The following POMK variants were observed in gnomAD, a reference collection of about 807,000 sequenced individuals.
The protein encoded by POMK is protein O-mannose kinase.
A neutral mutation model predicts 23.0 loss-of-function variants in POMK; 19 were observed. The observed-to-expected ratio is 0.83, with a 90% CI of 0.58 to 1.21. POMK has a LOEUF of 1.21. Among genes scored for constraint, POMK ranks in the 50% most tolerant of loss-of-function variants. The pLI, the probability that POMK is intolerant of heterozygous loss-of-function variation, is 0.00. For missense variants in POMK, 410 were observed against 431.3 expected (o/e 0.95, Z 0.44); for synonymous variants, 173 against 171.6 (o/e 1.01, Z -0.06).
chr8:43,116,055 G>A (rs765962959), intron 4 of POMK, among the ~76,000 whole-genome samples: 4 of 152,186 alleles, frequency 2.6e-5, no homozygotes, highest in Non-Finnish European at 4.4e-5. Context: ...CTTCAACCCC[G>A]TTTAAAATTG....
At chr8:43,094,162 T>C (rs958748416) in intron 1 of POMK, among the ~76,000 whole-genome samples, 1 of 152,200 alleles carries the variant, frequency 6.6e-6, no homozygotes, top group Non-Finnish European at 1.5e-5. Flanking sequence ...GGCGCGGTCT[T>C]GGCTCCTGGG....
chr8:43,105,721 A>G (rs916308183), intron 4 of POMK, among the ~76,000 whole-genome samples: 2 of 152,028 alleles, frequency 1.3e-5, no homozygotes, highest in African/African-American at 2.4e-5. Flanking sequence ...CTGGAGTGCA[A>G]TGATGCAGTC....
intron 4 of POMK, among the ~76,000 whole-genome samples, chr8:43,114,064 A>G (rs1051051816): frequency 2.6e-5 from 4 of 152,232 alleles, no homozygotes; most frequent in African/African-American, 9.6e-5. Flanking sequence ...GTCAGGGGTC[A>G]GGGACCCACT....
chr8:43,113,676 G>T (rs1266541762), intron 4 of POMK, among the ~76,000 whole-genome samples: 1 of 152,204 alleles, frequency 6.6e-6, no homozygotes, highest in Non-Finnish European at 1.5e-5. Flanking sequence ...TTTGGAGGAG[G>T]AGAGACGCTC....
intron 4 of POMK, among the ~76,000 whole-genome samples, chr8:43,119,886 G>C (rs1172117817): frequency 6.6e-6 from 1 of 151,098 alleles, no homozygotes; most frequent in Non-Finnish European, 1.5e-5. Context: ...ATCCAGAAAA[G>C]ATCTTCATGG....
intron 4 of POMK, among the ~76,000 whole-genome samples, chr8:43,113,959 G>T (rs1034469587): frequency 6.6e-6 from 1 of 152,184 alleles, no homozygotes; most frequent in African/African-American, 2.4e-5. Context: ...CTGTCTGATC[G>T]TTCCTCTGGA....
intron 3 of POMK, 128 bp from the exon 4 acceptor site, chr8:43,103,400 C>CTT (rs967101595): frequency 1.7e-5 from 14 of 833,654 alleles, no homozygotes; most frequent in Middle Eastern, 3.7e-4. Context: ...TCGATACCTG[C>CTT]TTTAATCCCC....
At chr8:43,118,368 A>C (rs747969143) in intron 4 of POMK, among the ~76,000 whole-genome samples, 2 of 152,222 alleles carry the variant, frequency 1.3e-5, no homozygotes, top group Admixed American at 6.5e-5. Context: ...ACAAGTGTAC[A>C]TTAATAAATA....
chr8:43,113,000 A>G (rs1453226367), intron 4 of POMK, among the ~76,000 whole-genome samples: 1 of 152,260 alleles, frequency 6.6e-6, no homozygotes, highest in African/African-American at 2.4e-5. Flanking sequence ...AAGAAACTGC[A>G]TCAACTAACG....
At chr8:43,111,366 G>A (rs192633707) in intron 4 of POMK, among the ~76,000 whole-genome samples, 1 of 152,168 alleles carries the variant, frequency 6.6e-6, no homozygotes, top group Non-Finnish European at 1.5e-5. Flanking sequence ...CCGCAGCGAG[G>A]CTGGGGGAGG....
At chr8:43,110,768 G>C (rs1811636585) in intron 4 of POMK, among the ~76,000 whole-genome samples, 1 of 152,136 alleles carries the variant, frequency 6.6e-6, no homozygotes, top group African/African-American at 2.4e-5. Context: ...ACTAATATTA[G>C]CCGGGCGTTG....
At chr8:43,102,069 A>G (rs1811455428) in intron 2 of POMK, among the ~76,000 whole-genome samples, 1 of 152,200 alleles carries the variant, frequency 6.6e-6, no homozygotes, top group Admixed American at 6.5e-5. Context: ...GTTCCTACAC[A>G]GTTACTCTCT....
chr8:43,122,083 A>T (rs367860832), intron 4 of POMK, 24 bp from the exon 5 acceptor site: 31 of 1,607,628 alleles, frequency 1.9e-5, no homozygotes, highest in Non-Finnish European at 2.5e-5. Context: ...TTCAGGCCTG[A>T]TGCTCTCTAT....
At chr8:43,121,819 C>G (rs1461453748) in intron 4 of POMK, among the ~76,000 whole-genome samples, 1 of 152,234 alleles carries the variant, frequency 6.6e-6, no homozygotes, top group Admixed American at 6.5e-5. Flanking sequence ...ACCAGCTTCC[C>G]AAAGCCTTCC....
intron 4 of POMK, among the ~76,000 whole-genome samples, chr8:43,105,005 C>G (rs1200156996): frequency 2.0e-5 from 3 of 152,004 alleles, no homozygotes; most frequent in South Asian, 2.1e-4. Flanking sequence ...AATTTCTTTT[C>G]CTGTTTTTCA....
At chr8:43,093,934 C>G (rs1487670734) in intron 1 of POMK, among the ~76,000 whole-genome samples, 2 of 152,228 alleles carry the variant, frequency 1.3e-5, no homozygotes, top group Admixed American at 1.3e-4. Flanking sequence ...AGCACTTAGC[C>G]GGGCGCGGTG....
At chr8:43,098,571 G>A (rs142260224) in intron 2 of POMK, among the ~76,000 whole-genome samples, 1 of 152,158 alleles carries the variant, frequency 6.6e-6, no homozygotes, top group African/African-American at 2.4e-5. Flanking sequence ...TAATGCTTCC[G>A]TGAACATTCA....
intron 4 of POMK, among the ~76,000 whole-genome samples, chr8:43,111,402 G>A (rs965635708): frequency 2.6e-5 from 4 of 152,226 alleles, no homozygotes; most frequent in Admixed American, 1.3e-4. Context: ...TCAGGCTTGA[G>A]TAGGTAAACA....
At chr8:43,094,705 A>T (rs144411865) in intron 1 of POMK, among the ~76,000 whole-genome samples, 1 of 152,350 alleles carries the variant, frequency 6.6e-6, no homozygotes, top group African/African-American at 2.4e-5. Flanking sequence ...CCCTAGTTGT[A>T]GAAAATATCT....
Sources: allele counts gnomAD v4.1 joint callset (sites outside exome capture counted in the v4.1 genomes callset), GRCh38; gene constraint gnomAD v4.1.1; transcripts MANE v1.5; gene names NCBI Gene and HGNC (gene_info 2026-07-23, HGNC 2026-07-21).